Variants in FSIP2 observed in about 807,000 individuals in gnomAD.
FSIP2 encodes fibrous sheath interacting protein 2.
FSIP2 carries 367 observed loss-of-function variants against 510.5 expected under a neutral mutation model. The observed-to-expected ratio is 0.72, with a 90% CI of 0.66 to 0.78. The LOEUF (loss-of-function observed/expected upper bound fraction) is 0.78. Among genes scored for constraint, FSIP2 ranks in the 30% least tolerant of loss-of-function variants. FSIP2 has a pLI of 0.00. For synonymous variants in FSIP2, 2,601 were observed against 2,732.2 expected (o/e 0.95, Z 1.50); for missense variants, 7,594 against 7,901.7 (o/e 0.96, Z 1.48).
At chr2:185,797,917 C>G (rs542919112) in intron 16 of FSIP2, among the ~76,000 whole-genome samples, 51 of 152,016 alleles carry the variant, frequency 3.4e-4, no homozygotes, top group South Asian at 2.9e-3. Flanking sequence ...TCTCAAACTC[C>G]TGGCCTCATG....
At chr2:185,747,123 A>G (rs1366760273) in intron 6 of FSIP2, among the ~76,000 whole-genome samples, 190 bp from the exon 7 acceptor site, 1 of 152,124 alleles carries the variant, frequency 6.6e-6, no homozygotes, top group Non-Finnish European at 1.5e-5. Flanking sequence ...AGTAAAAAGT[A>G]TCATATTTGC....
chr2:185,816,320 C>T (rs946004009), intron 19 of FSIP2, among the ~76,000 whole-genome samples: 6 of 151,266 alleles, frequency 4.0e-5, no homozygotes, highest in African/African-American at 1.5e-4. Context: ...GTTATTTTAA[C>T]ATACATAGCT....
chr2:185,796,942 T>G lies in FSIP2; in HGVS notation c.9806T>G (p.Phe3269Cys). The G allele has an allele frequency of 2.0e-6, 3 of 1,535,000 alleles. No individual in the cohort carries two copies. The highest frequency in any genetic ancestry group is 2.6e-6 in the Non-Finnish European group (3 of 1,146,266). The change falls in exon 16 of 23, where the codon TTC (phenylalanine) becomes TGC (cysteine). Residue 3269 changes from phenylalanine (F) to cysteine (C), a missense_variant. Transcript: ENST00000424728. ...AATAGCTACCTCCCTGAAGGCAGTT[T>G]CTTACAAAAGCTGCTTAGGAAAGCA... ...KGNSYLPEGS[F>C]LQKLLRKASD...
In FSIP2 at chr2:185,760,540, ATATT is replaced by A. The variant is rs1369750735; in HGVS notation, c.1079-440_1079-437del. Among the ~76,000 whole-genome samples, 198 of 148,862 alleles carry A rather than the reference ATATT, an allele frequency of 1.3e-3. 1 individual carries two copies. The highest frequency in any genetic ancestry group is 2.0e-4 in the East Asian group (1 of 5,124). ...TAATATAAACAAGTAAACTAAATAAATATTTATTTATAAAAACTGGAAACAATCC... is the reference window on the plus strand; with the variant it reads ...TAATATAAACAAGTAAACTAAATAAATATTTATAAAAACTGGAAACAATCC... On this transcript the variant is annotated intron_variant, in intron 9 of 22. Transcript: ENST00000424728.
intron 8 of FSIP2, among the ~76,000 whole-genome samples, chr2:185,755,376 C>T (rs975633962): frequency 6.6e-6 from 1 of 151,574 alleles, no homozygotes; most frequent in Non-Finnish European, 1.5e-5. Context: ...GAAATCACTT[C>T]AGTAACTATA....
intron 12 of FSIP2, among the ~76,000 whole-genome samples, chr2:185,763,989 A>G (rs1692407018): frequency 6.6e-6 from 1 of 151,656 alleles, no homozygotes; most frequent in Non-Finnish European, 1.5e-5. Flanking sequence ...TACCATATCA[A>G]TAGCCACATT....
rs1343316880 is a variant in FSIP2, at chr2:185,801,632, A to C, written c.12326A>C (p.Lys4109Thr). 6.5e-7 allele frequency: 1 copy of C among 1,530,156 alleles called. No individual in the cohort carries two copies. Among genetic ancestry groups the C allele is most frequent in the Non-Finnish European group, 8.7e-7 (1 of 1,144,294 alleles). 94.8% of individuals were successfully genotyped at this position (1,530,156 alleles called of 1,614,324 possible). ...HLIPHSYYPL[K>T]PEIILQKLQS... is the part of the protein sequence containing the mutation. ...ATACCCCATTCATATTACCCTCTCA[A>C]ACCTGAAATTATATTGCAAAAGCTT... The change falls in exon 17 of 23, where the codon AAA (lysine) becomes ACA (threonine). Residue 4109 changes from lysine (K) to threonine (T), a missense_variant. Lys to Thr is a moderately conservative substitution (Grantham distance 78, BLOSUM62 -1). Coordinates refer to ENST00000424728, the MANE Select transcript of FSIP2 (RefSeq NM_173651.4).
Position 185,796,909 on chromosome 2 carries a change from T to G in FSIP2, c.9773T>G (p.Met3258Arg). 6.5e-7 allele frequency: 1 copy of G among 1,534,938 alleles called. No individual in the cohort carries two copies. The highest frequency in any genetic ancestry group is 1.4e-5 in the African/African-American group (1 of 73,024). The change falls in exon 16 of 23, where the codon ATG becomes AGG. Residue 3258 changes from methionine (M) to arginine (R), a missense_variant. Met to Arg is a moderately conservative substitution (Grantham distance 91). Coordinates refer to ENST00000424728, the MANE Select transcript of FSIP2 (RefSeq NM_173651.4). Reference sequence around the variant, plus strand: ...AACTTTGGTAGTTTTGATCAGACCATGAAAGGAAATAGCTACCTCCCTGAA... The same window carrying G: ...AACTTTGGTAGTTTTGATCAGACCAGGAAAGGAAATAGCTACCTCCCTGAA... The part of the protein sequence containing the change: ...ESNFGSFDQT[M>R]KGNSYLPEGS...
intron 21 of FSIP2, among the ~76,000 whole-genome samples, chr2:185,831,325 G>C (rs986038276): frequency 1.3e-5 from 2 of 151,822 alleles, no homozygotes; most frequent in South Asian, 2.1e-4. Context: ...AGTAAAGCTA[G>C]TACCGGAGAC....
chr2:185,741,476 C>T (rs995695332), intron 2 of FSIP2, among the ~76,000 whole-genome samples: 1 of 152,152 alleles, frequency 6.6e-6, no homozygotes, highest in Non-Finnish European at 1.5e-5. Flanking sequence ...CAGGTTTGGT[C>T]TTGAGAAACA....
intron 11 of FSIP2, 117 bp from the exon 12 acceptor site, chr2:185,763,066 T>G: frequency 1.7e-6 from 1 of 595,700 alleles, no homozygotes. Flanking sequence ...TTGTGGCAAT[T>G]CTAGTCACTG....
At position 185,796,803 on chromosome 2, in the gene FSIP2, C is replaced by A; in HGVS notation, c.9667C>A (p.Pro3223Thr). The A allele has an allele frequency of 6.5e-7, 1 of 1,535,012 alleles. No individual in the cohort carries two copies. The highest frequency in any genetic ancestry group is 8.7e-7 in the Non-Finnish European group (1 of 1,146,234). Reference sequence around the variant, plus strand: ...AGAAGACACAGTTAAAAACTCAGAGCCAACGAAAAGGCCTGATTCAGAAAC... The same window carrying A: ...AGAAGACACAGTTAAAAACTCAGAGACAACGAAAAGGCCTGATTCAGAAAC... ...SVEDTVKNSE[P>T]TKRPDSETMP... The change falls in exon 16 of 23, where the codon CCA becomes ACA. Residue 3223 changes from proline to threonine, a missense_variant. Transcript: ENST00000424728.
intron 9 of FSIP2, among the ~76,000 whole-genome samples, chr2:185,756,524 G>C (rs1282498814): frequency 6.6e-6 from 1 of 151,324 alleles, no homozygotes; most frequent in Non-Finnish European, 1.5e-5. Context: ...TTAAATGAAG[G>C]TTATGTTACT....
At chr2:185,737,759 T>C (rs1691813922), upstream of FSIP2, among the ~76,000 whole-genome samples, 1 of 152,052 alleles carries the variant, frequency 6.6e-6, no homozygotes, top group Admixed American at 6.6e-5. Context: ...GGGATATCCA[T>C]ATGGAAGCTG....
rs1165540024 is a variant in FSIP2 at position 185,795,924 on chromosome 2, C to T, written c.8788C>T (p.Leu2930=). The stretch of plus-strand genomic sequence containing the variant: ...TGAAATGCTACTTGAAAAACTACAG[C>T]TATGCTTTCTGTCCCAAATTCCCAC... ...IVEMLLEKLQ[L]CFLSQIPTPD... The change falls in exon 16 of 23, where the codon CTA becomes TTA. Residue 2930 remains leucine, a synonymous_variant. Transcript: ENST00000424728. The T allele has an allele frequency of 6.5e-7, 1 of 1,534,180 alleles. No individual in the cohort carries two copies. The highest frequency in any genetic ancestry group is 2.0e-5 in the Admixed American group (1 of 50,844).
At chr2:185,754,149 TA>T (rs950434617) in intron 8 of FSIP2, among the ~76,000 whole-genome samples, 1 of 151,126 alleles carries the variant, frequency 6.6e-6, no homozygotes, top group African/African-American at 2.4e-5. Context: ...ACCACTATTA[TA>T]TACCAACATG....
intron 13 of FSIP2, among the ~76,000 whole-genome samples, chr2:185,768,686 C>T (rs1162433280): frequency 6.6e-6 from 1 of 151,924 alleles, no homozygotes; most frequent in Non-Finnish European, 1.5e-5. Context: ...TACAGATAAA[C>T]TTATGTCATG....
At position 185,804,509 on chromosome 2, in the gene FSIP2, A is replaced by T; in HGVS notation, c.15203A>T (p.Tyr5068Phe). The change falls in exon 17 of 23, where the codon TAT (tyrosine) becomes TTT (phenylalanine). Residue 5068 changes from tyrosine (Y) to phenylalanine (F), a missense_variant. Coordinates refer to ENST00000424728, the MANE Select transcript of FSIP2 (RefSeq NM_173651.4). ...YYLLLEEIYD[Y>F]QVQSLVSGEL... ...TTGCTATTGGAAGAAATATATGATT[A>T]TCAAGTGCAGTCATTAGTTTCAGGA... is the stretch of plus-strand genomic sequence containing the variant. The T allele has an allele frequency of 6.6e-7, 1 of 1,515,640 alleles. No individual in the cohort carries two copies. The allele number at this position is 1,515,640 out of a possible 1,614,324, so 93.9% of individuals were successfully genotyped here.
intron 15 of FSIP2, chr2:185,788,345 A>G (rs1396829213): frequency 1.6e-5 from 3 of 186,466 alleles, no homozygotes; most frequent in East Asian, 2.6e-4. Context: ...ATTTTTAACA[A>G]AAAAAAAATC....
Sources: gnomAD v4.1 joint callset for allele counts (sites outside exome capture counted in the v4.1 genomes callset) on GRCh38, gnomAD v4.1.1 for gene constraint, MANE v1.5 for transcripts, NCBI Gene and HGNC (gene_info 2026-07-23, HGNC 2026-07-21) for gene names.